Variants in TNS3 observed in about 807,000 individuals in gnomAD.
TNS3 encodes the protein tensin 3.
Under a neutral mutation model 140.9 loss-of-function variants are expected in TNS3, and 45 were observed. The observed-to-expected ratio is 0.32, with a 90% CI of 0.25 to 0.41. The LOEUF (loss-of-function observed/expected upper bound fraction) is 0.41. TNS3 is among the 10% of genes least tolerant of loss of function. The probability of loss-of-function intolerance (pLI) is 1.00; values close to 1 mark genes in which losing one functional copy is unlikely to be tolerated. For missense variants in TNS3, 1,716 were observed against 1,906.7 expected, an observed-to-expected ratio of 0.90 and a Z score of 1.86; for synonymous variants, 815 against 788.4, an observed-to-expected ratio of 1.03 and a Z score of -0.56.
Position 47,323,817 on chromosome 7 carries a change from G to A in TNS3, c.2651-18814C>T, listed in dbSNP as rs181183511. The stretch of plus-strand genomic sequence containing the variant: ...GAGCGAGGACTAAAAAAACTACAGG[G>A]AGGGATATACTCAAAAATACTATCA... On this transcript the variant is annotated intron_variant, in intron 20 of 30. Coordinates refer to ENST00000311160, the MANE Select transcript of TNS3 (RefSeq NM_022748.12). Among the ~76,000 whole-genome samples, 261 of 152,250 alleles carry A rather than the reference G, an allele frequency of 1.7e-3. 1 individual carries two copies. The highest frequency in any genetic ancestry group is 3.4e-4 in the Non-Finnish European group (23 of 68,034).
chr7:47,323,597 T>C (rs1354696912), intron 20 of TNS3, among the ~76,000 whole-genome samples: 1 of 152,242 alleles, frequency 6.6e-6, no homozygotes, highest in Non-Finnish European at 1.5e-5. Flanking sequence ...CTTAAGTCAC[T>C]TTTTATAGTT....
intron 9 of TNS3, among the ~76,000 whole-genome samples, chr7:47,425,544 A>G (rs1237834761): frequency 6.6e-6 from 1 of 152,164 alleles, no homozygotes; most frequent in Non-Finnish European, 1.5e-5. Flanking sequence ...TGCATTTGCT[A>G]GGCAAGGGGC....
At chr7:47,367,753 C>T (rs983836101) in intron 17 of TNS3, among the ~76,000 whole-genome samples, 16 of 152,222 alleles carry the variant, frequency 1.1e-4, no homozygotes, top group African/African-American at 3.9e-4. Context: ...ACAGTAGAAC[C>T]CCTTGTGGAC....
intron 20 of TNS3, among the ~76,000 whole-genome samples, chr7:47,316,095 TC>T (rs1787384635): frequency 8.8e-4 from 2 of 2,272 alleles, no homozygotes; most frequent in African/African-American, 1.5e-3. Flanking sequence ...ACTAACTATT[TC>T]TCTCTCTCTC....
At chr7:47,340,288 A>T (rs1788924386) in intron 20 of TNS3, among the ~76,000 whole-genome samples, 1 of 150,346 alleles carries the variant, frequency 6.7e-6, no homozygotes, top group African/African-American at 2.4e-5. Flanking sequence ...ACGCCCAACT[A>T]ATTTTTGTAT....
At chr7:47,441,633 G>A (rs753840120) in intron 5 of TNS3, among the ~76,000 whole-genome samples, 3 of 152,210 alleles carry the variant, frequency 2.0e-5, no homozygotes, top group African/African-American at 7.2e-5. Context: ...CTACGGTCAT[G>A]AGGATCCACA....
chr7:47,462,977 T>C (rs1308884912), intron 4 of TNS3, among the ~76,000 whole-genome samples: 6 of 152,170 alleles, frequency 3.9e-5, no homozygotes, highest in African/African-American at 9.7e-5. Context: ...TGTCCTACAA[T>C]GGACCCTAAT....
chr7:47,559,415 G>A (rs567421705), intron 1 of TNS3, among the ~76,000 whole-genome samples: 94 of 152,244 alleles, frequency 6.2e-4, no homozygotes, highest in Middle Eastern at 3.4e-3. Flanking sequence ...TAATGGGAGC[G>A]GGAGAATTCT....
intron 17 of TNS3, among the ~76,000 whole-genome samples, chr7:47,347,059 C>T (rs974322342): frequency 6.6e-6 from 1 of 152,110 alleles, no homozygotes; most frequent in African/African-American, 2.4e-5. Flanking sequence ...TATCATTTGG[C>T]AGTTAGGAAA....
intron 17 of TNS3, among the ~76,000 whole-genome samples, chr7:47,356,156 A>T (rs1789984938): frequency 6.6e-6 from 1 of 152,194 alleles, no homozygotes; most frequent in Non-Finnish European, 1.5e-5. Context: ...GCCAAGGGCC[A>T]GCTCTCCTGG....
At chr7:47,483,071 C>A (rs1420092358) in intron 3 of TNS3, among the ~76,000 whole-genome samples, 2 of 152,100 alleles carry the variant, frequency 1.3e-5, no homozygotes, top group African/African-American at 2.4e-5. Flanking sequence ...ACCGAGGGCT[C>A]TGGTTACTAA....
intron 27 of TNS3, among the ~76,000 whole-genome samples, chr7:47,285,160 G>A (rs1009281890): frequency 6.6e-6 from 1 of 152,158 alleles, no homozygotes; most frequent in Admixed American, 6.5e-5. Flanking sequence ...GATGTCCCTG[G>A]GTGTCACAGT....
chr7:47,411,684 G>T, intron 13 of TNS3, 43 bp downstream of exon 13: 1 of 1,557,048 alleles, frequency 6.4e-7, no homozygotes, highest in Non-Finnish European at 8.8e-7. Flanking sequence ...ACCACTGGGA[G>T]AGTGGGGACA....
intron 14 of TNS3, 63 bp from the exon 15 acceptor site, chr7:47,400,521 A>G (rs992596194): frequency 1.3e-6 from 2 of 1,546,112 alleles, no homozygotes; most frequent in African/African-American, 2.7e-5. Flanking sequence ...GTATGGACTG[A>G]CTTTGTCCTT....
At chr7:47,282,022 T>C (rs1785171612) in intron 28 of TNS3, among the ~76,000 whole-genome samples, 1 of 151,208 alleles carries the variant, frequency 6.6e-6, no homozygotes, top group African/African-American at 2.4e-5. Flanking sequence ...GCCCTGAGCC[T>C]GACCCTGAGC....
chr7:47,388,233 T>TACACACACACATACACAC (rs1554309758), intron 16 of TNS3, among the ~76,000 whole-genome samples: 1 of 152,076 alleles, frequency 6.6e-6, no homozygotes, highest in East Asian at 1.9e-4. Context: ...CACCAGGGTC[T>TACACACACACATACACAC]ACACACACAC....
chr7:47,446,688 CTTTTTTTTTTTTTTTT>C (rs144042398), intron 4 of TNS3, among the ~76,000 whole-genome samples: 3 of 96,718 alleles, frequency 3.1e-5, no homozygotes, highest in South Asian at 4.2e-4. Flanking sequence ...TCCAGGCTGC[CTTTTTTTTTTTTTTTT>C]TTTTTTTTTG....
At chr7:47,555,590 C>T (rs554795481) in intron 1 of TNS3, among the ~76,000 whole-genome samples, 13 of 152,286 alleles carry the variant, frequency 8.5e-5, no homozygotes, top group African/African-American at 3.1e-4. Context: ...ACTTTATCAT[C>T]GTCTTATTTT....
chr7:47,564,864 T>A (rs1364797898), intron 1 of TNS3, among the ~76,000 whole-genome samples: 1 of 151,858 alleles, frequency 6.6e-6, no homozygotes, highest in Non-Finnish European at 1.5e-5. Flanking sequence ...CTTCTTTTCC[T>A]CTGCAGACAT....
Sources: gnomAD v4.1 joint callset for allele counts (sites outside exome capture counted in the v4.1 genomes callset) on GRCh38, gnomAD v4.1.1 for gene constraint, MANE v1.5 for transcripts, NCBI Gene and HGNC (gene_info 2026-07-23, HGNC 2026-07-21) for gene names.